GBF1: variants seen among roughly 807,000 people sequenced by gnomAD.
GBF1 encodes golgi brefeldin A resistant guanine nucleotide exchange factor 1, also known as Golgi-specific brefeldin A-resistance guanine nucleotide exchange factor 1.
In GBF1, 114 loss-of-function variants were observed where a neutral mutation model predicts 210.5. The ratio of observed to expected loss-of-function variants is 0.54; its 90% CI spans 0.47 to 0.63. The LOEUF is 0.63. Ranked by LOEUF, GBF1 falls within the 30% of genes least tolerant of loss-of-function variation. The pLI is 0.00. For missense variants in GBF1, 1,851 were observed against 2,357.7 expected, an observed-to-expected ratio of 0.79 and a Z score of 4.45; for synonymous variants, 850 against 889.2, an observed-to-expected ratio of 0.96 and a Z score of 0.78.
chr10:102,236,750 A>G, the GBF1 span, among the ~76,000 whole-genome samples: 6 of 152,218 alleles, frequency 3.9e-5, no homozygotes, highest in African/African-American at 1.4e-4. Flanking sequence ...AGAGCCCACA[A>G]TCGGTTGCAA....
chr10:102,262,849 C>T (rs117487334), intron 3 of GBF1, among the ~76,000 whole-genome samples: 4,892 of 152,266 alleles, frequency 0.032, 126 homozygotes, highest in Middle Eastern at 0.061. Context: ...AGATTATCTG[C>T]TCTTGGAACT....
intron 3 of GBF1, among the ~76,000 whole-genome samples, chr10:102,335,123 C>A (rs1173230384): frequency 1.3e-5 from 2 of 151,800 alleles, no homozygotes; most frequent in African/African-American, 4.8e-5. Context: ...TTTAATAATT[C>A]TTGTTGTAAT....
the GBF1 span, chr10:102,231,663 C>T: frequency 6.2e-7 from 1 of 1,612,668 alleles, no homozygotes; most frequent in East Asian, 2.2e-5. Context: ...AGCGGTTCCT[C>T]TGGAAGGTCG....
At chr10:102,331,250 C>T (rs1365719503) in intron 3 of GBF1, among the ~76,000 whole-genome samples, 1 of 152,094 alleles carries the variant, frequency 6.6e-6, no homozygotes, top group Non-Finnish European at 1.5e-5. Flanking sequence ...TCATCTTGAA[C>T]CTTTTTGCAC....
In GBF1 at chr10:102,363,323, A is replaced by G. The variant is rs756903634; in HGVS notation, c.1944A>G (p.Pro648=). ...MASDIPGLHL[P]GGGRLPPEHG... is the part of the protein sequence containing the mutation. ...CAGACATCCCAGGCCTGCATCTGCC[A>G]GGTGGAGGGCGGCTGCCACCAGAAC... Residue 648 remains proline, a synonymous_variant, in exon 16 of 40, where the codon CCA becomes CCG. Transcript: ENST00000369983. The surrounding 1 kb of genome is among the most constrained non-coding windows in gnomAD (Gnocchi z 4.2). The G allele has an allele frequency of 1.9e-6, 3 of 1,613,988 alleles. No homozygotes were observed. The Admixed American group carries it at 5.0e-5, about 27-fold the overall frequency.
intron 3 of GBF1, among the ~76,000 whole-genome samples, chr10:102,334,781 G>A (rs959529885): frequency 2.6e-5 from 4 of 151,922 alleles, no homozygotes; most frequent in Non-Finnish European, 4.4e-5. Flanking sequence ...CCGGAGAGGC[G>A]GAGGTTACAG....
intron 3 of GBF1, among the ~76,000 whole-genome samples, chr10:102,271,896 T>C (rs1441673844): frequency 6.6e-6 from 1 of 150,906 alleles, no homozygotes; most frequent in Non-Finnish European, 1.5e-5. Flanking sequence ...GGACTACAGG[T>C]GCATGCCATC....
At chr10:102,316,773 A>G (rs1290344448) in intron 3 of GBF1, among the ~76,000 whole-genome samples, 2 of 152,208 alleles carry the variant, frequency 1.3e-5, no homozygotes, top group Non-Finnish European at 2.9e-5. Context: ...AGTGTAGTCT[A>G]TAGTCTGTAA....
chr10:102,259,514 C>A (rs1361481731), intron 2 of GBF1, among the ~76,000 whole-genome samples: 6 of 151,990 alleles, frequency 3.9e-5, no homozygotes. Flanking sequence ...AGTTGGCTTT[C>A]TTTGCTATAT....
intron 3 of GBF1, among the ~76,000 whole-genome samples, chr10:102,319,769 C>T (rs1209464663): frequency 6.7e-6 from 1 of 148,532 alleles, no homozygotes; most frequent in Admixed American, 6.7e-5. Context: ...ACTCATGTCG[C>T]CCAGGCTGGA....
At chr10:102,379,734 G>A in intron 35 of GBF1, 83 bp downstream of exon 35, 1 of 1,516,164 alleles carries the variant, frequency 6.6e-7, no homozygotes, top group Non-Finnish European at 9.2e-7. Flanking sequence ...CCTAATGTGA[G>A]TCTTCAGCCT....
At chr10:102,342,839 A>C (rs1589706548) in intron 3 of GBF1, among the ~76,000 whole-genome samples, 1 of 152,184 alleles carries the variant, frequency 6.6e-6, no homozygotes, top group Non-Finnish European at 1.5e-5. Flanking sequence ...GGTCAGAGTA[A>C]GGTAGGGAGT....
intron 3 of GBF1, among the ~76,000 whole-genome samples, chr10:102,287,359 T>C (rs1322360705): frequency 2.2e-5 from 3 of 137,544 alleles, no homozygotes; most frequent in African/African-American, 8.2e-5. Flanking sequence ...TTTTTTTTTT[T>C]TTTTTTTTTT....
intron 28 of GBF1, 39 bp from the exon 29 acceptor site, chr10:102,370,668 T>A (rs1210423992): frequency 6.2e-7 from 1 of 1,607,406 alleles, no homozygotes; most frequent in East Asian, 2.2e-5. Context: ...CAGTGGCCCC[T>A]CTGGCTGAGA....
chr10:102,246,429 A>G (rs2070839191), intron 1 of GBF1, among the ~76,000 whole-genome samples: 1 of 152,354 alleles, frequency 6.6e-6, no homozygotes, highest in South Asian at 2.1e-4. Context: ...TTGTTCCTTT[A>G]TACAATCTTT....
In GBF1 at chr10:102,382,453, A is replaced by G. The variant is rs1277016547; in HGVS notation, c.*117A>G. On this transcript the variant is annotated 3_prime_UTR_variant, in exon 40 of 40. Transcript: ENST00000369983. ...CCAAGTCAGAGCTGCTGTTGCTGCC[A>G]CTTGGATGGGGACCTGAAAAAGAGA... is the stretch of plus-strand genomic sequence containing the variant. The G allele has an allele frequency of 4.7e-6, 4 of 854,488 alleles. No individual in the cohort carries two copies. Among genetic ancestry groups the G allele is most frequent in the Non-Finnish European group, 5.4e-6 (3 of 555,188 alleles). 52.9% of individuals were successfully genotyped at this position (854,488 alleles called of 1,614,324 possible). A position where few individuals can be genotyped will look rare whatever the true frequency, so the allele number is the denominator to read the frequency against.
At chr10:102,275,131 A>G (rs374585439) in intron 3 of GBF1, among the ~76,000 whole-genome samples, 1 of 151,980 alleles carries the variant, frequency 6.6e-6, no homozygotes, top group African/African-American at 2.4e-5. Flanking sequence ...CTGGGATTAC[A>G]GGCATGAGCC....
intron 3 of GBF1, among the ~76,000 whole-genome samples, chr10:102,298,197 T>TAG (rs2077060598): frequency 6.6e-6 from 1 of 152,072 alleles, no homozygotes; most frequent in African/African-American, 2.4e-5. Flanking sequence ...CCTCCCAAAG[T>TAG]GCTGAGATTA....
intron 3 of GBF1, among the ~76,000 whole-genome samples, chr10:102,328,193 A>C (rs533012887): frequency 1.3e-5 from 2 of 152,334 alleles, no homozygotes; most frequent in African/African-American, 4.8e-5. Flanking sequence ...CTGAAACAGC[A>C]TAAAGACTTC....
Sources: gnomAD v4.1 joint callset for allele counts (sites outside exome capture counted in the v4.1 genomes callset) on GRCh38, gnomAD v4.1.1 for gene constraint, Gnocchi (gnomAD v3.1) non-coding constraint, MANE v1.5 for transcripts, NCBI Gene and HGNC (gene_info 2026-07-23, HGNC 2026-07-21) for gene names.